Variants in ZNF273 observed in about 807,000 individuals in gnomAD.
The protein encoded by ZNF273 is zinc finger protein 9.
ZNF273 carries 11 observed loss-of-function variants against 14.9 expected under a neutral mutation model. That is an observed-to-expected ratio of 0.74 (90% confidence interval 0.46 to 1.22). The LOEUF (loss-of-function observed/expected upper bound fraction) is 1.22, where lower values mean the gene tolerates loss of function less well. ZNF273 is among the 50% of genes most tolerant of loss of function. The pLI is 0.00. For missense variants in ZNF273, 577 were observed against 660.6 expected (o/e 0.87, Z 1.39); for synonymous variants, 199 against 223.9 (o/e 0.89, Z 0.99).
In ZNF273 at chr7:64,885,320, C is replaced by T. The variant is rs867203895; in HGVS notation, n.273+2535C>T. Among the ~76,000 whole-genome samples, 6 of 152,248 alleles carry T rather than the reference C, an allele frequency of 3.9e-5. No homozygotes were observed. The South Asian group carries it at 1.2e-3, about 32-fold the overall frequency. On this transcript the variant is annotated intron_variant and non_coding_transcript_variant, in intron 1 of 1. Transcript: ENST00000471926. ...GACCTTAAACAAGTCACTGCCTCTCCTGCAGGCCTTCTGTTAGGACAGAGA... is the reference window on the plus strand; with the variant it reads ...GACCTTAAACAAGTCACTGCCTCTCTTGCAGGCCTTCTGTTAGGACAGAGA...
At chr7:64,937,244 T>C in the ZNF273 span, among the ~76,000 whole-genome samples, 1 of 152,236 alleles carries the variant, frequency 6.6e-6, no homozygotes, top group African/African-American at 2.4e-5. Context: ...GCCAGGAAAC[T>C]GCTATTCTCA....
intron 1 of ZNF273, among the ~76,000 whole-genome samples, chr7:64,914,365 CTA>C (rs1318359073): frequency 6.7e-6 from 1 of 148,280 alleles, no homozygotes; most frequent in Non-Finnish European, 1.5e-5. Context: ...AAAAAAAACA[CTA>C]TTATTATTAC....
intron 3 of ZNF273, among the ~76,000 whole-genome samples, chr7:64,924,818 T>A (rs1794698877): frequency 6.6e-6 from 1 of 151,760 alleles, no homozygotes; most frequent in South Asian, 2.1e-4. Flanking sequence ...TTTTTTTTTT[T>A]AGGGGGAGTC....
chr7:64,888,180 C>G lies in ZNF273; in HGVS notation n.274-393C>G, dbSNP rs377306784. On this transcript the variant is annotated intron_variant and non_coding_transcript_variant, in intron 1 of 1. Coordinates refer to the ZNF273 transcript ENST00000471926. Reference sequence around the variant, plus strand: ...TTCCACCTGGGGAGCCCCCGGGGCCCTCATTTCACCCCATTCCCTGAAGCC... The same window carrying G: ...TTCCACCTGGGGAGCCCCCGGGGCCGTCATTTCACCCCATTCCCTGAAGCC... Among the ~76,000 whole-genome samples, 192 of 152,242 alleles carry G rather than the reference C, an allele frequency of 1.3e-3. 3 individuals are homozygous for G. The South Asian group carries it at 0.039, about 31-fold the overall frequency.
In ZNF273 at chr7:64,923,277, G is replaced by A. The variant is rs967519037; in HGVS notation, c.326-4377G>A. The stretch of plus-strand genomic sequence containing the variant: ...CGTTATAGTTGTTAGAATATCTTCC[G>A]CTTTTTGAAAACTGAGTGACAGTCC... On this transcript the variant is annotated intron_variant, in intron 3 of 3. Transcript: ENST00000476120. The A allele has an allele frequency of 7.8e-5, 35 of 446,908 alleles. No individual in the cohort carries two copies. The Admixed American group carries it at 8.4e-4, about 11-fold the overall frequency. 27.7% of individuals were successfully genotyped at this position (446,908 alleles called of 1,614,324 possible). A position where few individuals can be genotyped will look rare whatever the true frequency, so the allele number is the denominator to read the frequency against.
chr7:64,920,279 G>A (rs1444589946), intron 3 of ZNF273, among the ~76,000 whole-genome samples: 1 of 152,160 alleles, frequency 6.6e-6, no homozygotes, highest in Non-Finnish European at 1.5e-5. Flanking sequence ...CACCAGGGCA[G>A]GTTTTTGCAG....
chr7:64,903,157 G>A (rs1792837649), upstream of ZNF273: 3 of 568,250 alleles, frequency 5.3e-6, no homozygotes, highest in South Asian at 6.2e-5. Context: ...GTCATTCAGG[G>A]CCTGAGGGGG....
intron 1 of ZNF273, among the ~76,000 whole-genome samples, chr7:64,911,620 T>C (rs1342904587): frequency 2.2e-5 from 1 of 44,616 alleles, no homozygotes; most frequent in African/African-American, 4.8e-5. Flanking sequence ...TTTCTAATTG[T>C]ATTTATTTGA....
intron 1 of ZNF273, chr7:64,888,339 A>G: frequency 2.0e-6 from 2 of 985,304 alleles, no homozygotes; most frequent in African/African-American, 3.5e-5. Flanking sequence ...CTCTGAGCTC[A>G]AATTCCTGCT....
intron 3 of ZNF273, chr7:64,923,764 A>G (rs184873111): frequency 3.5e-5 from 6 of 170,476 alleles, no homozygotes; most frequent in Non-Finnish European, 7.6e-5. Context: ...ATGACTCTTC[A>G]TATGACCACA....
At chr7:64,913,254 A>G (rs1301500721) in intron 1 of ZNF273, among the ~76,000 whole-genome samples, 2 of 152,094 alleles carry the variant, frequency 1.3e-5, no homozygotes, top group African/African-American at 4.8e-5. Context: ...TGTCTCTCTC[A>G]TCTGTCTATA....
chr7:64,898,171 G>GTC (rs1357769283), intron 4 of ZNF273: 1 of 152,158 alleles, frequency 6.6e-6, no homozygotes, highest in Non-Finnish European at 1.5e-5. Context: ...CTTCATACAA[G>GTC]TCTTACCTGT....
chr7:64,908,353 T>G (rs1264274407), intron 1 of ZNF273, among the ~76,000 whole-genome samples: 1 of 152,256 alleles, frequency 6.6e-6, no homozygotes, highest in Non-Finnish European at 1.5e-5. Context: ...ACTGAGGTAG[T>G]AAGCATAGCA....
chr7:64,924,833 T>C (rs1413515546), intron 3 of ZNF273, among the ~76,000 whole-genome samples: 1 of 151,856 alleles, frequency 6.6e-6, no homozygotes, highest in Non-Finnish European at 1.5e-5. Flanking sequence ...GGAGTCTCAT[T>C]CTGTCACCCA....
In ZNF273 at chr7:64,918,200, T is replaced by C; in HGVS notation, c.233T>C (p.Ile78Thr). 1 of 1,560,740 alleles carries C rather than the reference T, an allele frequency of 6.4e-7. No individual in the cohort carries two copies. Residue 78 changes from isoleucine (I) to threonine (T), a missense_variant, in exon 3 of 4, where the codon ATT becomes ACT. Transcript: ENST00000476120. ...TTACTCATTTTTAATAAAACAGGTATTGCTGTCTCTAAGCCAGACCTGATC... is the reference window on the plus strand; with the variant it reads ...TTACTCATTTTTAATAAAACAGGTACTGCTGTCTCTAAGCCAGACCTGATC... ...DNYRNLVFLG[I>T]AVSKPDLITC...
downstream of ZNF273, among the ~76,000 whole-genome samples, chr7:64,931,374 G>C (rs2129110401): frequency 6.6e-6 from 1 of 152,164 alleles, no homozygotes; most frequent in South Asian, 2.1e-4. Flanking sequence ...TCATGGTAGA[G>C]CCATACATTT....
downstream of ZNF273, chr7:64,888,947 G>T: frequency 1.0e-6 from 1 of 980,986 alleles, no homozygotes; most frequent in Non-Finnish European, 1.2e-6. Context: ...AGCCCAGGGT[G>T]TCCAGCCCCT....
downstream of ZNF273, among the ~76,000 whole-genome samples, chr7:64,890,737 T>C (rs951087642): frequency 1.3e-5 from 2 of 152,158 alleles, no homozygotes; most frequent in Non-Finnish European, 2.9e-5. Flanking sequence ...GTTTTCATCC[T>C]CATTGTGTGT....
At chr7:64,908,456 T>C (rs2129062125) in intron 1 of ZNF273, among the ~76,000 whole-genome samples, 1 of 152,286 alleles carries the variant, frequency 6.6e-6, no homozygotes, top group Admixed American at 6.5e-5. Flanking sequence ...TGAGTCCATG[T>C]GTTTTTGTTT....
Sources: gnomAD v4.1 joint callset for allele counts (sites outside exome capture counted in the v4.1 genomes callset) on GRCh38, gnomAD v4.1.1 for gene constraint, MANE v1.5 for transcripts, NCBI Gene and HGNC (gene_info 2026-07-23, HGNC 2026-07-21) for gene names.